USP53: variants seen among roughly 807,000 people sequenced by gnomAD.
The protein encoded by USP53 is ubiquitin specific peptidase 53, also known as ubiquitin carboxyl-terminal hydrolase 53.
Under a neutral mutation model 94.9 loss-of-function variants are expected in USP53, and 71 were observed. The ratio of observed to expected loss-of-function variants is 0.75; its 90% CI spans 0.62 to 0.91. The LOEUF (loss-of-function observed/expected upper bound fraction) is 0.91. USP53 is among the 40% of genes least tolerant of loss of function. USP53 has a pLI of 0.00. For missense variants in USP53, 1,173 were observed against 1,281.0 expected, an observed-to-expected ratio of 0.92 and a Z score of 1.29; for synonymous variants, 375 against 422.7, an observed-to-expected ratio of 0.89 and a Z score of 1.39.
At chr4:119,225,772 A>T (rs1357180282) in intron 3 of USP53, among the ~76,000 whole-genome samples, 1 of 152,120 alleles carries the variant, frequency 6.6e-6, no homozygotes, top group African/African-American at 2.4e-5. Context: ...AGAAAAAAAA[A>T]TTCAGTAACA....
chr4:119,231,040 C>T (rs1386434674), intron 3 of USP53, among the ~76,000 whole-genome samples: 2 of 151,958 alleles, frequency 1.3e-5, no homozygotes, highest in Non-Finnish European at 2.9e-5. Flanking sequence ...TCACTGACCA[C>T]CTATAAAGAG....
At chr4:119,279,665 C>G (rs1378566285) in intron 17 of USP53, among the ~76,000 whole-genome samples, 5 of 152,218 alleles carry the variant, frequency 3.3e-5, no homozygotes, top group East Asian at 3.9e-4. Flanking sequence ...TTTACCTAAG[C>G]AAGCCTGGGC....
chr4:119,258,061 C>T (rs998438742), intron 9 of USP53, among the ~76,000 whole-genome samples: 6 of 152,108 alleles, frequency 3.9e-5, no homozygotes, highest in African/African-American at 1.2e-4. Flanking sequence ...ATACCAGTTA[C>T]TGAATGCTTA....
rs1451568897 is a variant in USP53, at chr4:119,292,954, A to G, written c.2965A>G (p.Arg989Gly). ...AAGACATAAAGAAACATTTCAAGTG[A>G]GAGAATGTTTTGGCAACACACCAAA... Reference protein sequence around the residue: ...DERHKETFQVRECFGNTPNCP... With the variant: ...DERHKETFQVGECFGNTPNCP... The change falls in exon 19 of 19, where the codon AGA (arginine) becomes GGA (glycine). Residue 989 changes from arginine to glycine, a missense_variant. Arg to Gly is a moderately radical substitution (Grantham distance 125, BLOSUM62 -2). Transcript: ENST00000692078. The G allele has an allele frequency of 6.2e-6, 10 of 1,614,126 alleles. No individual in the cohort carries two copies. Among genetic ancestry groups the G allele is most frequent in the Admixed American group, 1.7e-5 (1 of 60,010 alleles).
chr4:119,239,554 AACTTCAATGTTTATGCACCCTATTGTT>A lies in USP53; in HGVS notation c.-201_-175del. 2.0e-6 allele frequency: 1 copy of A among 512,536 alleles called. No individual in the cohort carries two copies. Among genetic ancestry groups the A allele is most frequent in the Non-Finnish European group, 3.2e-6 (1 of 308,822 alleles). The allele number at this position is 512,536 out of a possible 1,614,324, so 31.7% of individuals were successfully genotyped here. A position where few individuals can be genotyped will look rare whatever the true frequency, so the allele number is the denominator to read the frequency against. On this transcript the variant is annotated 5_prime_UTR_variant, in exon 5 of 19. The change abolishes an upstream ATG in the 5' untranslated region. Transcript: ENST00000692078. ...AATAGCTTTCTTTTTTAGTGCTTAG[AACTTCAATGTTTATGCACCCTATTGTT>A]ACTTGTCAGAGTCTTTAAGAGTTTA...
At chr4:119,254,964 T>G (rs1749553401) in intron 7 of USP53, among the ~76,000 whole-genome samples, 1 of 152,230 alleles carries the variant, frequency 6.6e-6, no homozygotes, top group Admixed American at 6.5e-5. Flanking sequence ...TTAGTTTTCC[T>G]TCTAACAGAC....
rs1416051094 is a variant in USP53 at position 119,238,219 on chromosome 4, A to G, written c.-542-999A>G. 2.0e-5 allele frequency among the ~76,000 whole-genome samples: 3 copies of G among 152,160 alleles called. No individual in the cohort carries two copies. The East Asian group carries it at 5.8e-4, about 29-fold the overall frequency. On this transcript the variant is annotated intron_variant, in intron 4 of 18. Coordinates refer to ENST00000692078, the MANE Select transcript of USP53 (RefSeq NM_001371395.1). ...TCTCAACTTTCAACATGCCTTCCTC[A>G]CCAAGCTTAGTCATTTCCAGCTTTT...
intron 12 of USP53, among the ~76,000 whole-genome samples, chr4:119,263,464 G>A (rs1750743123): frequency 6.6e-6 from 1 of 152,072 alleles, no homozygotes; most frequent in South Asian, 2.1e-4. Context: ...AACTGTACAG[G>A]GAAAAAGTTC....
In USP53 at chr4:119,261,770, G is replaced by A. The variant is rs1317656688; in HGVS notation, c.878G>A (p.Gly293Asp). 3.2e-6 allele frequency: 5 copies of A among 1,554,568 alleles called. No homozygotes were observed. In the East Asian group the frequency reaches 9.2e-5, roughly 28 times the overall value. ...NAKNSELNLV[G>D]MICYTSQHYC... ...AAAAATAGTGAACTTAACCTTGTTG[G>A]TATGATCTGCTACACCAGCCAACAT... Residue 293 changes from glycine to aspartate, a missense_variant, in exon 12 of 19, where the codon GGT (glycine) becomes GAT (aspartate). By Grantham distance (94) the Gly-to-Asp change is moderately conservative. Transcript: ENST00000692078.
At chr4:119,288,766 G>A (rs142213815) in intron 17 of USP53, among the ~76,000 whole-genome samples, 3 of 151,894 alleles carry the variant, frequency 2.0e-5, no homozygotes, top group African/African-American at 4.8e-5. Flanking sequence ...AAGAAACCCC[G>A]TCTCTACTAA....
At position 119,271,676 on chromosome 4, in the gene USP53, A is replaced by G. The variant is rs1751884524; in HGVS notation, c.1816A>G (p.Ser606Gly). 6.2e-7 allele frequency: 1 copy of G among 1,613,942 alleles called. No individual in the cohort carries two copies. Among genetic ancestry groups the G allele is most frequent in the African/African-American group, 1.3e-5 (1 of 74,942 alleles). The change falls in exon 16 of 19, where the codon AGT (serine) becomes GGT (glycine). Residue 606 changes from serine (S) to glycine (G), a missense_variant. Physicochemically the swap from Ser to Gly is moderately conservative, Grantham distance 56 (BLOSUM62 0). Transcript: ENST00000692078. ...TAGTGAAAGTGAAAAAAGACAGCAT[A>G]GTCCAAGACATAAACCAAATATCAG... is the stretch of plus-strand genomic sequence containing the variant. ...IFSESEKRQH[S>G]PRHKPNISNK...
At chr4:119,278,996 ATTC>A (rs1753059388) in intron 17 of USP53, among the ~76,000 whole-genome samples, 1 of 113,982 alleles carries the variant, frequency 8.8e-6, no homozygotes, top group Non-Finnish European at 1.9e-5. Flanking sequence ...CTAGTTATAC[ATTC>A]TTCTAAACTT....
chr4:119,252,280 A>G (rs565210847), intron 7 of USP53, among the ~76,000 whole-genome samples: 172 of 152,176 alleles, frequency 1.1e-3, no homozygotes, highest in Admixed American at 3.1e-3. Context: ...CTCTTTTTCT[A>G]TTGATTGGAA....
chr4:119,259,478 G>A (rs528667246), intron 9 of USP53, among the ~76,000 whole-genome samples: 1 of 152,144 alleles, frequency 6.6e-6, no homozygotes, highest in African/African-American at 2.4e-5. Context: ...TGTTAGGGTA[G>A]GGTTTAAACT....
rs1194665849 is a variant in USP53, at chr4:119,278,257, T to G, written c.2251+4549T>G. On this transcript the variant is annotated intron_variant, in intron 17 of 18. Transcript: ENST00000692078. ...CTGGTACCGGTTGTTCCTTTCCATG[T>G]TTAGCGCTTCCTTCAGGAGCTCTTT... 1.6e-4 allele frequency among the ~76,000 whole-genome samples: 24 copies of G among 151,646 alleles called. No homozygotes were observed. The East Asian group carries it at 4.7e-3, about 30-fold the overall frequency.
At chr4:119,230,914 A>T (rs1561206004) in intron 3 of USP53, among the ~76,000 whole-genome samples, 1 of 152,078 alleles carries the variant, frequency 6.6e-6, no homozygotes, top group Non-Finnish European at 1.5e-5. Context: ...GTGGGTTTAG[A>T]GTAAGTGGGT....
At chr4:119,238,396 G>T (rs1179912779) in intron 4 of USP53, among the ~76,000 whole-genome samples, 1 of 152,204 alleles carries the variant, frequency 6.6e-6, no homozygotes, top group Non-Finnish European at 1.5e-5. Context: ...GGTCAGTGGA[G>T]CAGTCAGAAT....
chr4:119,253,312 T>C (rs1300618183), intron 7 of USP53, among the ~76,000 whole-genome samples: 1 of 152,142 alleles, frequency 6.6e-6, no homozygotes, highest in Non-Finnish European at 1.5e-5. Flanking sequence ...ATATTGACAG[T>C]GGGGTGTTAA....
At chr4:119,233,296 TCTTTTTAGTA>T (rs1746308912) in intron 3 of USP53, among the ~76,000 whole-genome samples, 1 of 152,018 alleles carries the variant, frequency 6.6e-6, no homozygotes, top group African/African-American at 2.4e-5. Context: ...TCTCCTTTCT[TCTTTTTAGTA>T]TAAGGTTTCA....
Sources: gnomAD v4.1 joint callset for allele counts (sites outside exome capture counted in the v4.1 genomes callset) on GRCh38, gnomAD v4.1.1 for gene constraint, MANE v1.5 for transcripts, NCBI Gene and HGNC (gene_info 2026-07-23, HGNC 2026-07-21) for gene names.